Variants in CYRIA observed in about 807,000 individuals in gnomAD.
CYRIA encodes the protein CYFIP-related Rac1 interactor A.
CYRIA carries 15 observed loss-of-function variants against 43.9 expected under a neutral mutation model. The ratio of observed to expected loss-of-function variants is 0.34; its 90% CI spans 0.23 to 0.53. CYRIA has a LOEUF of 0.53. Ranked by LOEUF, CYRIA falls within the 20% of genes least tolerant of loss-of-function variation. CYRIA has a pLI of 0.94. For synonymous variants in CYRIA, 117 were observed against 136.0 expected, an observed-to-expected ratio of 0.86 and a Z score of 0.97; for missense variants, 236 against 394.2, an observed-to-expected ratio of 0.60 and a Z score of 3.40.
In CYRIA at chr2:16,551,336, TATC is replaced by T. The variant is rs1666301431; in HGVS notation, c.*1597_*1599del. 1 of 152,184 alleles carries T rather than the reference TATC, an allele frequency of 6.6e-6. No homozygotes were observed. The highest frequency in any genetic ancestry group is 6.5e-5 in the Admixed American group (1 of 15,274). The allele number at this position is 152,184 out of a possible 1,614,324, so 9.4% of individuals were successfully genotyped here. ...TGTACTCAGACTCAACTTCTAGGAT[TATC>T]ATTCACTAAATGCCTGGGTGACTCC... On this transcript the variant is annotated 3_prime_UTR_variant, in exon 12 of 12. Coordinates refer to ENST00000381323, the MANE Select transcript of CYRIA (RefSeq NM_030797.4).
At chr2:16,577,816 G>A (rs1667403771) in intron 3 of CYRIA, among the ~76,000 whole-genome samples, 1 of 152,190 alleles carries the variant, frequency 6.6e-6, no homozygotes, top group Non-Finnish European at 1.5e-5. Context: ...AAACCCTCTG[G>A]GTCAGGGGAA....
At chr2:16,561,582 G>C (rs757764475) in intron 6 of CYRIA, 49 bp from the exon 7 acceptor site, 4 of 1,399,328 alleles carry the variant, frequency 2.9e-6, no homozygotes, top group Non-Finnish European at 4.1e-6. Flanking sequence ...TATCAGATGG[G>C]GTATATGCAT....
intron 11 of CYRIA, 37 bp downstream of exon 11, chr2:16,555,032 G>A (rs1296546833): frequency 1.3e-6 from 2 of 1,581,064 alleles, no homozygotes; most frequent in Non-Finnish European, 8.7e-7. Context: ...TGAAAGGCTG[G>A]CTGTTCCCTG....
chr2:16,562,870 G>A (rs777100825), intron 5 of CYRIA, among the ~76,000 whole-genome samples: 1 of 150,614 alleles, frequency 6.6e-6, no homozygotes. Context: ...AATGACTAGG[G>A]CTGCCTTTAC....
intron 1 of CYRIA, among the ~76,000 whole-genome samples, chr2:16,657,456 C>T (rs1670147247): frequency 6.6e-6 from 1 of 150,502 alleles, no homozygotes; most frequent in Non-Finnish European, 1.5e-5. Context: ...ATTTGAGAGC[C>T]CATGTTTTTT....
intron 2 of CYRIA, among the ~76,000 whole-genome samples, chr2:16,611,830 A>T (rs542492054): frequency 9.0e-4 from 137 of 152,300 alleles, no homozygotes; most frequent in Admixed American, 2.0e-3. Context: ...GGCAGCTGTC[A>T]CAGGGTTGGC....
intron 3 of CYRIA, among the ~76,000 whole-genome samples, chr2:16,571,078 T>C (rs1667111717): frequency 6.6e-6 from 1 of 152,196 alleles, no homozygotes; most frequent in Non-Finnish European, 1.5e-5. Flanking sequence ...GTTCTGGACT[T>C]GCTACTGTGG....
At chr2:16,563,913 G>A (rs1035573206) in intron 5 of CYRIA, 76 bp downstream of exon 5, 18 of 1,040,348 alleles carry the variant, frequency 1.7e-5, no homozygotes, top group East Asian at 1.0e-4. Flanking sequence ...AATATGCCAC[G>A]CTGTTCCCAC....
At chr2:16,571,539 C>A (rs1411492761) in intron 3 of CYRIA, among the ~76,000 whole-genome samples, 1 of 152,242 alleles carries the variant, frequency 6.6e-6, no homozygotes, top group African/African-American at 2.4e-5. Flanking sequence ...GTAACATATA[C>A]ACATTTTCCT....
chr2:16,608,781 C>T (rs1329600015), intron 2 of CYRIA, among the ~76,000 whole-genome samples: 1 of 152,186 alleles, frequency 6.6e-6, no homozygotes, highest in African/African-American at 2.4e-5. Context: ...GCAACCACAG[C>T]GCAAACAAGT....
intron 1 of CYRIA, among the ~76,000 whole-genome samples, chr2:16,643,991 G>A (rs1669748944): frequency 6.6e-6 from 1 of 152,102 alleles, no homozygotes; most frequent in Non-Finnish European, 1.5e-5. Flanking sequence ...TGCAGGCCTC[G>A]GCATAATAAA....
At chr2:16,661,403 A>G (rs1292091577) in intron 1 of CYRIA, among the ~76,000 whole-genome samples, 1 of 152,234 alleles carries the variant, frequency 6.6e-6, no homozygotes, top group Non-Finnish European at 1.5e-5. Flanking sequence ...CTTTCCATTC[A>G]TAAGTTCAAT....
intron 1 of CYRIA, among the ~76,000 whole-genome samples, chr2:16,636,677 C>G (rs1045948381): frequency 6.6e-6 from 1 of 152,056 alleles, no homozygotes; most frequent in African/African-American, 2.4e-5. Context: ...TCCGGACAAG[C>G]TGGTTACAAT....
chr2:16,570,588 T>C (rs1667094454), intron 3 of CYRIA, among the ~76,000 whole-genome samples: 2 of 152,258 alleles, frequency 1.3e-5, no homozygotes, highest in Non-Finnish European at 2.9e-5. Context: ...TGTTTTCAGA[T>C]GTCGTGGAAA....
chr2:16,605,096 G>A (rs76112867), intron 2 of CYRIA, among the ~76,000 whole-genome samples: 1,601 of 150,034 alleles, frequency 0.011, 40 homozygotes, highest in East Asian at 0.081. Flanking sequence ...AGCTGCTAGA[G>A]TCCAGTTGTA....
chr2:16,581,883 A>C (rs1667562471), intron 3 of CYRIA, among the ~76,000 whole-genome samples: 1 of 152,262 alleles, frequency 6.6e-6, no homozygotes, highest in African/African-American at 2.4e-5. Flanking sequence ...AACTATTGAT[A>C]CATGTAATGA....
intron 2 of CYRIA, 36 bp downstream of exon 2, chr2:16,623,828 T>G (rs185784796): frequency 6.6e-6 from 1 of 152,362 alleles, no homozygotes; most frequent in East Asian, 1.9e-4. Flanking sequence ...GTTATCAGTG[T>G]GCTACACGTT....
rs1250052191 is a variant in CYRIA at position 16,598,921 on chromosome 2, C to T, written c.-10-10792G>A. On this transcript the variant is annotated intron_variant, in intron 2 of 11. Transcript: ENST00000381323. ...ACAGATGGGTTTTCAGTGTAGATGT[C>T]CTTTCTGGTTGTTAGTTTTCCTTCT... 4.2e-5 allele frequency among the ~76,000 whole-genome samples: 5 copies of T among 118,200 alleles called. No individual in the cohort carries two copies. In the East Asian group the frequency reaches 1.1e-3, roughly 26 times the overall value. The allele number at this position is 118,200 out of a possible 152,430, so 77.5% of individuals were successfully genotyped here. A position where few individuals can be genotyped will look rare whatever the true frequency, so the allele number is the denominator to read the frequency against.
chr2:16,574,835 C>T (rs1330097249), intron 3 of CYRIA, among the ~76,000 whole-genome samples: 1 of 152,212 alleles, frequency 6.6e-6, no homozygotes, highest in Non-Finnish European at 1.5e-5. Context: ...AGAACCTCTG[C>T]TAGGGCAGTG....
Sources: gnomAD v4.1 joint callset for allele counts (sites outside exome capture counted in the v4.1 genomes callset) on GRCh38, gnomAD v4.1.1 for gene constraint, MANE v1.5 for transcripts, NCBI Gene and HGNC (gene_info 2026-07-23, HGNC 2026-07-21) for gene names.